Variants in RNLS observed in about 807,000 individuals in gnomAD.
The protein encoded by RNLS is renalase.
A neutral mutation model predicts 39.8 loss-of-function variants in RNLS; 39 were observed. That is an observed-to-expected ratio of 0.98 (90% CI 0.76 to 1.28). The LOEUF (loss-of-function observed/expected upper bound fraction) is 1.28, where lower values mean the gene tolerates loss of function less well. RNLS is among the 50% of genes most tolerant of loss of function. The pLI is 0.00. For missense variants in RNLS, 410 were observed against 413.3 expected (o/e 0.99, Z 0.07); for synonymous variants, 147 against 150.7 (o/e 0.98, Z 0.18).
the RNLS span, among the ~76,000 whole-genome samples, chr10:88,180,590 G>T: frequency 2.0e-5 from 3 of 152,172 alleles, no homozygotes; most frequent in African/African-American, 7.2e-5. Context: ...ACGTGTGCGT[G>T]TGTTGTAGAT....
At chr10:88,342,304 C>T (rs548438330) in intron 5 of RNLS, among the ~76,000 whole-genome samples, 30 of 152,294 alleles carry the variant, frequency 2.0e-4, no homozygotes, top group African/African-American at 7.0e-4. Flanking sequence ...CTATTCATCA[C>T]CCTGGTTAAT....
the RNLS span, among the ~76,000 whole-genome samples, chr10:88,213,754 A>G: frequency 6.6e-6 from 1 of 152,124 alleles, no homozygotes; most frequent in African/African-American, 2.4e-5. Context: ...AATTTGTAGA[A>G]ATTTCTAGGA....
intron 4 of RNLS, among the ~76,000 whole-genome samples, chr10:88,498,326 A>G (rs1845286962): frequency 6.6e-6 from 1 of 151,870 alleles, no homozygotes; most frequent in East Asian, 1.9e-4. Context: ...ACAAACTCAA[A>G]TGAAGGGCAA....
chr10:88,275,897 C>A (rs12416116), intron 6 of RNLS, among the ~76,000 whole-genome samples: 44,358 of 151,270 alleles, frequency 0.29, 6,617 homozygotes, highest in South Asian at 0.35. Flanking sequence ...AGAACAACAA[C>A]AAAAAAATTA....
chr10:88,469,601 T>C (rs1005650959), intron 4 of RNLS, among the ~76,000 whole-genome samples: 2 of 152,194 alleles, frequency 1.3e-5, no homozygotes, highest in Non-Finnish European at 2.9e-5. Flanking sequence ...ACTTCTTTGA[T>C]ATACATATTA....
chr10:88,567,119 A>C (rs1352379361), intron 4 of RNLS, among the ~76,000 whole-genome samples: 6 of 152,132 alleles, frequency 3.9e-5, no homozygotes, highest in African/African-American at 1.4e-4. Flanking sequence ...AAAGGATATA[A>C]TTTTAATGAG....
chr10:88,180,048 C>T, the RNLS span, among the ~76,000 whole-genome samples: 281 of 152,290 alleles, frequency 1.8e-3, 1 homozygote, highest in African/African-American at 6.3e-3. Context: ...TATGTTCTTA[C>T]GGAAACCACA....
chr10:88,267,225 T>C, the RNLS span, among the ~76,000 whole-genome samples: 1 of 152,202 alleles, frequency 6.6e-6, no homozygotes, highest in Non-Finnish European at 1.5e-5. Flanking sequence ...TAGCATCTTG[T>C]CAGATGTTTG....
intron 5 of RNLS, chr10:88,343,516 T>C: frequency 1.0e-6 from 1 of 962,930 alleles, no homozygotes; most frequent in Admixed American, 6.2e-5. Flanking sequence ...CATATATATA[T>C]ATTTTCCAAA....
chr10:88,272,139 C>T (rs1274413390), downstream of RNLS, among the ~76,000 whole-genome samples: 1 of 152,160 alleles, frequency 6.6e-6, no homozygotes, highest in Non-Finnish European at 1.5e-5. Context: ...TAAAACAGAA[C>T]TGTTGCGTGC....
At chr10:88,319,278 G>A (rs554540122) in intron 5 of RNLS, among the ~76,000 whole-genome samples, 1 of 152,032 alleles carries the variant, frequency 6.6e-6, no homozygotes, top group Non-Finnish European at 1.5e-5. Flanking sequence ...AAATGTAAAA[G>A]TCCTATCAAA....
the RNLS span, among the ~76,000 whole-genome samples, chr10:88,246,717 A>G: frequency 6.6e-6 from 1 of 152,272 alleles, no homozygotes; most frequent in Non-Finnish European, 1.5e-5. Flanking sequence ...CAGACCTTCT[A>G]AAATAGCCAT....
chr10:88,250,880 C>T, the RNLS span, among the ~76,000 whole-genome samples: 1 of 152,150 alleles, frequency 6.6e-6, no homozygotes, highest in African/African-American at 2.4e-5. Flanking sequence ...TGGCTAGACT[C>T]TTTAACATTG....
At chr10:88,279,990 G>A (rs1306801553), downstream of RNLS, among the ~76,000 whole-genome samples, 1 of 152,106 alleles carries the variant, frequency 6.6e-6, no homozygotes, top group African/African-American at 2.4e-5. Context: ...ATGTTTTGCT[G>A]TCTATCCACT....
chr10:88,545,959 C>G (rs1848285895), intron 4 of RNLS, among the ~76,000 whole-genome samples: 1 of 151,938 alleles, frequency 6.6e-6, no homozygotes, highest in Non-Finnish European at 1.5e-5. Flanking sequence ...AGTCACCATT[C>G]ATTCATTCAA....
rs577838661 is a variant in RNLS, at chr10:88,310,801, CAAAAAA to C, written c.876+3659_876+3664del. On this transcript the variant is annotated intron_variant, in intron 6 of 6. Transcript: ENST00000331772. ...TGACAGATTTAGAGCCTACCTCTGC[CAAAAAA>C]AAAAAAAAAAAAAAAAAAAAGAAAG... Among the ~76,000 whole-genome samples, 30 of 19,588 alleles carry C rather than the reference CAAAAAA, an allele frequency of 1.5e-3. 3 individuals are homozygous for C. Among genetic ancestry groups the C allele is most frequent in the Admixed American group, 9.1e-3 (12 of 1,316 alleles). 12.9% of individuals were successfully genotyped at this position (19,588 alleles called of 152,430 possible). A position where few individuals can be genotyped will look rare whatever the true frequency, so the allele number is the denominator to read the frequency against.
chr10:88,329,051 A>G (rs1422921321), intron 5 of RNLS, among the ~76,000 whole-genome samples: 2 of 151,662 alleles, frequency 1.3e-5, no homozygotes, highest in African/African-American at 4.8e-5. Context: ...GCTTCTTTTG[A>G]GACTGTTAGG....
At chr10:88,178,554 T>G in the RNLS span, among the ~76,000 whole-genome samples, 1 of 152,218 alleles carries the variant, frequency 6.6e-6, no homozygotes, top group African/African-American at 2.4e-5. Flanking sequence ...CTCTTGACTC[T>G]GAATTCATCC....
At chr10:88,484,506 C>T (rs1018430413) in intron 4 of RNLS, among the ~76,000 whole-genome samples, 2 of 151,874 alleles carry the variant, frequency 1.3e-5, no homozygotes, top group African/African-American at 4.8e-5. Context: ...ATATCTTTTT[C>T]CATAAAAGTT....
Sources: gnomAD v4.1 joint callset for allele counts (sites outside exome capture counted in the v4.1 genomes callset) on GRCh38, gnomAD v4.1.1 for gene constraint, MANE v1.5 for transcripts, NCBI Gene and HGNC (gene_info 2026-07-23, HGNC 2026-07-21) for gene names.